SLC16A8: variants seen among roughly 807,000 people sequenced by gnomAD.
SLC16A8 encodes the protein monocarboxylate transporter 3.
Under a neutral mutation model 22.4 loss-of-function variants are expected in SLC16A8, and 20 were observed. The observed-to-expected ratio is 0.89, with a 90% CI of 0.63 to 1.30. SLC16A8 has a LOEUF of 1.30. Among genes scored for constraint, SLC16A8 ranks in the 50% most tolerant of loss-of-function variants. SLC16A8 has a pLI of 0.00. For missense variants in SLC16A8, 817 were observed against 740.3 expected, an observed-to-expected ratio of 1.10 and a Z score of -1.20; for synonymous variants, 393 against 358.8, an observed-to-expected ratio of 1.10 and a Z score of -1.08.
rs1206466203 is a variant in SLC16A8 at position 38,078,286 on chromosome 22, C to CTG, written c.*101_*102insCA. Reference sequence around the variant, plus strand: ...TCAACTGGAGCCCAGACGTGGACCCCGGGAGTGACCACCCCAGACCAGCCT... The same window carrying CTG: ...TCAACTGGAGCCCAGACGTGGACCCCTGGGGAGTGACCACCCCAGACCAGCCT... On this transcript the variant is annotated 3_prime_UTR_variant, in exon 6 of 6. Coordinates refer to ENST00000681075, the MANE Select transcript of SLC16A8 (RefSeq NM_013356.3). 2.6e-4 allele frequency: 305 copies of CTG among 1,164,860 alleles called. No homozygotes were observed. The Middle Eastern group carries it at 3.6e-3, about 14-fold the overall frequency. 72.2% of individuals were successfully genotyped at this position (1,164,860 alleles called of 1,614,324 possible).
At chr22:38,080,644 C>T (rs764625093) in intron 5 of SLC16A8, among the ~76,000 whole-genome samples, 196 bp downstream of exon 5, 2 of 152,232 alleles carry the variant, frequency 1.3e-5, no homozygotes, top group Non-Finnish European at 2.9e-5. Flanking sequence ...TTCCCTGCAC[C>T]TTCCTGGGCT....
At chr22:38,080,731 G>T in intron 5 of SLC16A8, 109 bp downstream of exon 5, 1 of 1,391,354 alleles carries the variant, frequency 7.2e-7, no homozygotes, top group Non-Finnish European at 9.4e-7. Context: ...CCACCCACCC[G>T]ACTGCCCCTT....
In SLC16A8 at chr22:38,081,344, C is replaced by T. The variant is rs778929954; in HGVS notation, c.694G>A (p.Ala232Thr). Reference protein sequence around the residue: ...ADGAGLQLREASPRVRPRRRL... With the variant: ...ADGAGLQLRETSPRVRPRRRL... ...CGGCGGGGCCGGACCCTGGGGGATG[C>T]CTCGCGCAGCTGCAGCCCCGCACCG... is the stretch of plus-strand genomic sequence containing the variant. Residue 232 changes from alanine (A) to threonine (T), a missense_variant, in exon 5 of 6, where the codon GCA becomes ACA. Transcript: ENST00000681075. 6.8e-7 allele frequency: 1 copy of T among 1,462,866 alleles called. No homozygotes were observed. The highest frequency in any genetic ancestry group is 1.4e-5 in the South Asian group (1 of 72,406). 90.6% of individuals were successfully genotyped at this position (1,462,866 alleles called of 1,614,324 possible).
rs2085905393 is a variant in SLC16A8 at position 38,080,954 on chromosome 22, C to T, written c.1084G>A (p.Ala362Thr). 5.0e-6 allele frequency: 8 copies of T among 1,591,576 alleles called. No homozygotes were observed. Among genetic ancestry groups the T allele is most frequent in the Admixed American group, 1.7e-5 (1 of 57,354 alleles). ...GCCATGAGCACCTCGAACTGCAGCG[C>T]GCCCACCATGCCGTAGGAGAGGCCG... is the stretch of plus-strand genomic sequence containing the variant. ...AFGLSYGMVG[A>T]LQFEVLMAAV... The change falls in exon 5 of 6, where the codon GCG becomes ACG. Residue 362 changes from alanine (A) to threonine (T), a missense_variant. By Grantham distance (58) the Ala-to-Thr change is moderately conservative. Transcript: ENST00000681075.
chr22:38,082,095 G>T lies in SLC16A8; in HGVS notation c.215-63C>A, dbSNP rs141250396. 2.2e-4 allele frequency: 324 copies of T among 1,493,798 alleles called. No homozygotes were observed. The East Asian group carries it at 5.8e-3, about 27-fold the overall frequency. The allele number at this position is 1,493,798 out of a possible 1,614,324, so 92.5% of individuals were successfully genotyped here. The stretch of plus-strand genomic sequence containing the variant: ...TGGCTTGAGTCCTCTAAGGAATAAG[G>T]TCACCTCCGGCTCAGGGACACAGAG... On this transcript the variant is annotated intron_variant, in intron 3 of 5. Coordinates refer to ENST00000681075, the MANE Select transcript of SLC16A8 (RefSeq NM_013356.3).
At position 38,081,003 on chromosome 22, in the gene SLC16A8, G is replaced by T. The variant is rs768443158; in HGVS notation, c.1035C>A (p.Ala345=). ...LSSARARSYG[A]LVAFCVAFGL... is the part of the protein sequence containing the mutation. ...CGAAGGCGACGCAGAAGGCGACGAG[G>T]GCGCCGTAGGAGCGCGCGCGTGCGC... The change falls in exon 5 of 6, where the codon GCC becomes GCA. Residue 345 remains alanine, a synonymous_variant. Transcript: ENST00000681075. 23 of 1,598,508 alleles carry T rather than the reference G, an allele frequency of 1.4e-5. No homozygotes were observed. Among genetic ancestry groups the T allele is most frequent in the Non-Finnish European group, 2.0e-5 (23 of 1,177,924 alleles).
chr22:38,081,754 C>CCCGGGAACCCAGCAGAT (rs2085921664), intron 4 of SLC16A8, 75 bp from the exon 5 acceptor site: 36 of 1,457,834 alleles, frequency 2.5e-5, no homozygotes, highest in East Asian at 7.6e-5. Flanking sequence ...AGGGGCCAGG[C>CCCGGGAACCCAGCAGAT]CCGGGAACCC....
intron 5 of SLC16A8, among the ~76,000 whole-genome samples, chr22:38,080,545 T>C (rs1235419206): frequency 6.6e-6 from 1 of 152,214 alleles, no homozygotes; most frequent in Admixed American, 6.5e-5. Context: ...TTTCCTCATC[T>C]GCAAAATGAG....
At chr22:38,080,558 T>G (rs1331581538) in intron 5 of SLC16A8, among the ~76,000 whole-genome samples, 2 of 152,208 alleles carry the variant, frequency 1.3e-5, no homozygotes, top group Non-Finnish European at 2.9e-5. Flanking sequence ...AAAATGAGAA[T>G]AAGCACCTGC....
chr22:38,081,876 A>G lies in SLC16A8; in HGVS notation c.358+13T>C. On this transcript the variant is annotated intron_variant, in intron 4 of 5. Transcript: ENST00000681075. ...CCCCCAACCCAGCGGAGAGGAGACC[A>G]GGGGGCCCTCACCTGTGAGCACCCC... 2 of 1,591,298 alleles carry G rather than the reference A, an allele frequency of 1.3e-6. No homozygotes were observed. Among genetic ancestry groups the G allele is most frequent in the Non-Finnish European group, 1.7e-6 (2 of 1,169,062 alleles).
rs544917674 is a variant in SLC16A8 at position 38,078,163 on chromosome 22, G to A, written c.*225C>T. On this transcript the variant is annotated 3_prime_UTR_variant, in exon 6 of 6. Coordinates refer to ENST00000681075, the MANE Select transcript of SLC16A8 (RefSeq NM_013356.3). The stretch of plus-strand genomic sequence containing the variant: ...GTCGTTCAGCTGAGCTTTATCACCA[G>A]TTTCCTGTTGCTCCATAGCAGCTTC... The A allele has an allele frequency of 7.5e-6, 4 of 530,258 alleles. No homozygotes were observed. Among genetic ancestry groups the A allele is most frequent in the Non-Finnish European group, 1.3e-5 (4 of 297,522 alleles). 32.8% of individuals were successfully genotyped at this position (530,258 alleles called of 1,614,324 possible). A position where few individuals can be genotyped will look rare whatever the true frequency, so the allele number is the denominator to read the frequency against.
At position 38,082,817 on chromosome 22, in the gene SLC16A8, C is replaced by A; in HGVS notation, c.57G>T (p.Trp19Cys). ...CCACAAAGCAGGCGCCCAGCACCAC[C>A]CAGCCCCAGCCGCCGTCTGGGGGGC... ...GEGPPDGGWG[W>C]VVLGACFVVT... is the part of the protein sequence containing the mutation. The change falls in exon 3 of 6, where the codon TGG becomes TGT. Residue 19 changes from tryptophan to cysteine, a missense_variant. Trp to Cys is a radical substitution (Grantham distance 215). Transcript: ENST00000681075. 1 of 1,583,954 alleles carries A rather than the reference C, an allele frequency of 6.3e-7. No individual in the cohort carries two copies. The highest frequency in any genetic ancestry group is 1.1e-5 in the South Asian group (1 of 88,160).
chr22:38,080,815 C>G lies in SLC16A8; in HGVS notation c.1198+25G>C, dbSNP rs2085903002. ...TGGGTCTAAGGGGCACTAGGCTCGC[C>G]ACCCCCTCTTCCTTCGGGGCGCACC... On this transcript the variant is annotated intron_variant, in intron 5 of 5. Transcript: ENST00000681075. The G allele has an allele frequency of 6.1e-6, 9 of 1,465,490 alleles. No individual in the cohort carries two copies. The East Asian group carries it at 2.2e-4, about 37-fold the overall frequency. The allele number at this position is 1,465,490 out of a possible 1,614,324, so 90.8% of individuals were successfully genotyped here. A position where few individuals can be genotyped will look rare whatever the true frequency, so the allele number is the denominator to read the frequency against.
At chr22:38,082,910 AG>A in intron 2 of SLC16A8, 29 bp from the exon 3 acceptor site, 1 of 1,293,236 alleles carries the variant, frequency 7.7e-7, no homozygotes, top group South Asian at 1.3e-5. Context: ...GACAAGAGGG[AG>A]GGGCTGGGCC....
At chr22:38,082,487 G>A (rs970637574) in intron 3 of SLC16A8, among the ~76,000 whole-genome samples, 173 bp downstream of exon 3, 1 of 152,252 alleles carries the variant, frequency 6.6e-6, no homozygotes, top group Non-Finnish European at 1.5e-5. Flanking sequence ...GCCTCTGGCC[G>A]CTGTCTCCCT....
At chr22:38,079,608 G>C (rs1050366937) in intron 5 of SLC16A8, among the ~76,000 whole-genome samples, 1 of 152,064 alleles carries the variant, frequency 6.6e-6, no homozygotes, top group East Asian at 1.9e-4. Context: ...GTTTTGTTTT[G>C]GTAGAGACAG....
At position 38,078,366 on chromosome 22, in the gene SLC16A8, A is replaced by AC. The variant is rs766971782; in HGVS notation, c.*21dup. The AC allele has an allele frequency of 1.9e-6, 3 of 1,573,112 alleles. No homozygotes were observed. Among genetic ancestry groups the AC allele is most frequent in the Non-Finnish European group, 1.7e-6 (2 of 1,161,970 alleles). On this transcript the variant is annotated 3_prime_UTR_variant, in exon 6 of 6. Coordinates refer to ENST00000681075, the MANE Select transcript of SLC16A8 (RefSeq NM_013356.3). ...AGCTGTGTTCCCAAGTCACTGGGCCACCCCACCCAGAGCACCCTGAGTTAT... is the reference window on the plus strand; with the variant it reads ...AGCTGTGTTCCCAAGTCACTGGGCCACCCCCACCCAGAGCACCCTGAGTTAT...
Position 38,082,691 on chromosome 22 carries a change from G to A in SLC16A8, c.183C>T (p.Ser61=). The A allele has an allele frequency of 6.3e-7, 1 of 1,588,160 alleles. No homozygotes were observed. The highest frequency in any genetic ancestry group is 1.3e-5 in the African/African-American group (1 of 74,758). ...DAGYSDTAWV[S]SIMLAMLYGT... ...CGTAGAGCATGGCTAGCATGATGGA[G>A]GACACCCAGGCCGTGTCGCTGTAGC... Residue 61 remains serine (S), a synonymous_variant, in exon 3 of 6, where the codon TCC becomes TCT. Transcript: ENST00000681075.
Position 38,081,435 on chromosome 22 carries a change from G to T in SLC16A8, c.603C>A (p.Gly201=), listed in dbSNP as rs965389027. 2.4e-4 allele frequency: 314 copies of T among 1,286,220 alleles called. 1 individual carries two copies. Among genetic ancestry groups the T allele is most frequent in the Middle Eastern group, 5.9e-4 (2 of 3,380 alleles). The allele number at this position is 1,286,220 out of a possible 1,614,324, so 79.7% of individuals were successfully genotyped here. Reference sequence around the variant, plus strand: ...CGGCGCTGTCCCTGCGCGGTCGCGGGCCCGGCCCGGGCGGCGGCCTCATGA... The same window carrying T: ...CGGCGCTGTCCCTGCGCGGTCGCGGTCCCGGCCCGGGCGGCGGCCTCATGA... ...GAVMRPPPGP[G]PRPRRDSAGD... is the part of the protein sequence containing the mutation. Residue 201 remains glycine (G), a synonymous_variant, in exon 5 of 6, where the codon GGC becomes GGA. Coordinates refer to ENST00000681075, the MANE Select transcript of SLC16A8 (RefSeq NM_013356.3).
Sources: allele counts gnomAD v4.1 joint callset (sites outside exome capture counted in the v4.1 genomes callset), GRCh38; gene constraint gnomAD v4.1.1; transcripts MANE v1.5; gene names NCBI Gene and HGNC (gene_info 2026-07-23, HGNC 2026-07-21).